The following IDNK variants were observed in gnomAD, a reference collection of about 807,000 sequenced individuals.
The protein encoded by IDNK is IDNK gluconokinase, also known as gluconokinase.
In IDNK, 9 loss-of-function variants were observed where a neutral mutation model predicts 13.0. That is an observed-to-expected ratio of 0.69 (90% CI 0.42 to 1.21). The LOEUF is 1.21. Among genes scored for constraint, IDNK ranks in the 50% most tolerant of loss-of-function variants. IDNK has a pLI of 0.00. For synonymous variants in IDNK, 92 were observed against 94.9 expected, an observed-to-expected ratio of 0.97 and a Z score of 0.18; for missense variants, 210 against 237.8, an observed-to-expected ratio of 0.88 and a Z score of 0.77.
intron 3 of IDNK, among the ~76,000 whole-genome samples, chr9:83,632,707 C>T (rs1005348000): frequency 1.3e-5 from 2 of 152,030 alleles, no homozygotes; most frequent in African/African-American, 4.8e-5. Context: ...AAACCTTGAA[C>T]ATCAGAGCCA....
At position 83,623,160 on chromosome 9, in the gene IDNK, C is replaced by T; in HGVS notation, c.-12C>T. The T allele has an allele frequency of 1.4e-6, 2 of 1,421,954 alleles. No individual in the cohort carries two copies. The highest frequency in any genetic ancestry group is 1.6e-5 in the South Asian group (1 of 64,256). 88.1% of individuals were successfully genotyped at this position (1,421,954 alleles called of 1,614,324 possible). A position where few individuals can be genotyped will look rare whatever the true frequency, so the allele number is the denominator to read the frequency against. ...GGCCCGGAAGGCGACGGGAAGGAGC[C>T]GAGCTTGGGTTATGGCGGCGCCGGG... is the stretch of plus-strand genomic sequence containing the variant. On this transcript the variant is annotated 5_prime_UTR_variant, in exon 1 of 5. Transcript: ENST00000376419.
intron 4 of IDNK, 123 bp downstream of exon 4, chr9:83,641,714 A>G (rs1831314787): frequency 1.0e-6 from 1 of 959,774 alleles, no homozygotes; most frequent in Non-Finnish European, 1.6e-6. Flanking sequence ...GATTCTAGAA[A>G]CTGGCTGCAC....
chr9:83,636,237 C>A (rs762956988), intron 3 of IDNK, among the ~76,000 whole-genome samples: 2 of 152,238 alleles, frequency 1.3e-5, no homozygotes, highest in East Asian at 3.9e-4. Context: ...AAAGCACCTA[C>A]AACAGTGGCT....
intron 1 of IDNK, among the ~76,000 whole-genome samples, chr9:83,624,701 C>CTT (rs1209321017): frequency 2.6e-5 from 3 of 115,196 alleles, no homozygotes; most frequent in African/African-American, 8.1e-5. Flanking sequence ...GGCTTAGCTT[C>CTT]TTTTGTTTTT....
At chr9:83,626,869 A>G in intron 1 of IDNK, 1 of 1,090,006 alleles carries the variant, frequency 9.2e-7, no homozygotes, top group Non-Finnish European at 1.1e-6. Flanking sequence ...CTGCTCTCGC[A>G]ACCTTTGGTT....
intron 3 of IDNK, among the ~76,000 whole-genome samples, chr9:83,640,256 C>T (rs1318250636): frequency 1.3e-5 from 2 of 152,150 alleles, no homozygotes; most frequent in Non-Finnish European, 2.9e-5. Context: ...TATATACAAG[C>T]TGTTTGAAAG....
At chr9:83,628,466 T>C (rs1048707621) in intron 2 of IDNK, among the ~76,000 whole-genome samples, 6 of 152,164 alleles carry the variant, frequency 3.9e-5, no homozygotes, top group Non-Finnish European at 7.4e-5. Flanking sequence ...CTGGCCAATA[T>C]AGTGAAACCC....
Position 83,623,324 on chromosome 9 carries a change from C to A in IDNK, c.50+103C>A, listed in dbSNP as rs537287042. The A allele has an allele frequency of 3.8e-4, 406 of 1,073,318 alleles. 1 individual carries two copies. The African/African-American group carries it at 6.1e-3, about 16-fold the overall frequency. The allele number at this position is 1,073,318 out of a possible 1,614,324, so 66.5% of individuals were successfully genotyped here. On this transcript the variant is annotated intron_variant, in intron 1 of 4. Transcript: ENST00000376419. ...GCCGGTGGACTGGGGTCTTGGGGAC[C>A]CCCCACCCTTCCCTTTGCAGATGAA...
At chr9:83,631,507 G>C (rs1220690753) in intron 3 of IDNK, among the ~76,000 whole-genome samples, 2 of 147,402 alleles carry the variant, frequency 1.4e-5, no homozygotes, top group African/African-American at 5.1e-5. Context: ...AGCTACTCGG[G>C]AGGCTAAGGT....
intron 3 of IDNK, among the ~76,000 whole-genome samples, chr9:83,632,793 T>A (rs536608027): frequency 1.3e-5 from 2 of 152,274 alleles, no homozygotes; most frequent in South Asian, 2.1e-4. Context: ...CATAACTTAT[T>A]ATATTGTCCA....
Position 83,643,968 on chromosome 9 carries a change from A to G in IDNK, c.*188A>G. 1.9e-6 allele frequency: 1 copy of G among 530,294 alleles called. No homozygotes were observed. Among genetic ancestry groups the G allele is most frequent in the Non-Finnish European group, 3.3e-6 (1 of 299,066 alleles). The allele number at this position is 530,294 out of a possible 1,614,324, so 32.8% of individuals were successfully genotyped here. A position where few individuals can be genotyped will look rare whatever the true frequency, so the allele number is the denominator to read the frequency against. ...CTGGTTCATCAGGAAGCAGAGGGGG[A>G]GTTTTAAAAGTCAAGCTTAAATTGA... On this transcript the variant is annotated 3_prime_UTR_variant, in exon 5 of 5. Transcript: ENST00000376419.
rs771774040 is a variant in IDNK, at chr9:83,643,531, T to G, written c.315T>G (p.Cys105Trp). The G allele has an allele frequency of 6.2e-7, 1 of 1,613,888 alleles. No individual in the cohort carries two copies. Among genetic ancestry groups the G allele is most frequent in the South Asian group, 1.1e-5 (1 of 91,054 alleles). ...TQGKDGVALK[C>W]EESGKEAKQA... ...GAAAAGATGGTGTAGCTCTGAAGTG[T>G]GAGGAGTCGGGAAAGGAAGCAAAGC... Residue 105 changes from cysteine (C) to tryptophan (W), a missense_variant, in exon 5 of 5, where the codon TGT becomes TGG. Transcript: ENST00000376419.
At chr9:83,625,556 GT>G (rs1408131524) in intron 1 of IDNK, among the ~76,000 whole-genome samples, 4 of 152,240 alleles carry the variant, frequency 2.6e-5, no homozygotes, top group African/African-American at 7.2e-5. Context: ...TGTGTCCAAT[GT>G]TATTGACTAG....
chr9:83,633,364 G>A (rs1831077525), intron 3 of IDNK, among the ~76,000 whole-genome samples: 1 of 152,092 alleles, frequency 6.6e-6, no homozygotes, highest in African/African-American at 2.4e-5. Flanking sequence ...AAAGAAGATT[G>A]GCCTGTCCTC....
intron 3 of IDNK, among the ~76,000 whole-genome samples, chr9:83,630,197 A>ACAC (rs1830973493): frequency 6.6e-6 from 1 of 152,200 alleles, no homozygotes; most frequent in Admixed American, 6.5e-5. Flanking sequence ...CCAAGAGTGC[A>ACAC]CTTCTCTTTG....
chr9:83,636,993 C>T (rs1831181526), intron 3 of IDNK, among the ~76,000 whole-genome samples: 1 of 152,240 alleles, frequency 6.6e-6, no homozygotes, highest in African/African-American at 2.4e-5. Flanking sequence ...ATACACCTCC[C>T]AGACAAGTGC....
Position 83,644,042 on chromosome 9 carries a change from A to G in IDNK, c.*262A>G, listed in dbSNP as rs973406516. ...ATCAAATGATCAGAGGAAATTCTGT[A>G]ATCAATGCTGGAAATCGTTACATTG... is the stretch of plus-strand genomic sequence containing the variant. On this transcript the variant is annotated 3_prime_UTR_variant, in exon 5 of 5. Coordinates refer to ENST00000376419, the MANE Select transcript of IDNK (RefSeq NM_001001551.4). The G allele has an allele frequency of 2.6e-6, 1 of 388,768 alleles. No homozygotes were observed. Among genetic ancestry groups the G allele is most frequent in the African/African-American group, 2.0e-5 (1 of 48,952 alleles). 24.1% of individuals were successfully genotyped at this position (388,768 alleles called of 1,614,324 possible).
intron 3 of IDNK, among the ~76,000 whole-genome samples, chr9:83,634,336 TTTTATA>T (rs762852419): frequency 5.3e-5 from 8 of 152,240 alleles, no homozygotes; most frequent in Non-Finnish European, 8.8e-5. Flanking sequence ...GTTTAAATAG[TTTTATA>T]TTTATGTTTA....
intron 3 of IDNK, among the ~76,000 whole-genome samples, chr9:83,636,093 C>T (rs902100418): frequency 1.2e-4 from 18 of 152,026 alleles, no homozygotes; most frequent in African/African-American, 3.1e-4. Flanking sequence ...TCTCCATTAG[C>T]CTGTGAATGT....
Sources: gnomAD v4.1 joint callset for allele counts (sites outside exome capture counted in the v4.1 genomes callset) on GRCh38, gnomAD v4.1.1 for gene constraint, MANE v1.5 for transcripts, NCBI Gene and HGNC (gene_info 2026-07-23, HGNC 2026-07-21) for gene names.